POLR1A: variants seen among roughly 807,000 people sequenced by gnomAD.
POLR1A encodes the protein DNA-directed RNA polymerase I subunit RPA1.
POLR1A carries 84 observed loss-of-function variants against 205.3 expected under a neutral mutation model. That is an observed-to-expected ratio of 0.41 (90% CI 0.34 to 0.49). POLR1A has a LOEUF of 0.49. POLR1A is among the 20% of genes least tolerant of loss of function. The pLI, the probability that POLR1A is intolerant of heterozygous loss-of-function variation, is 0.22. For synonymous variants in POLR1A, 799 were observed against 863.7 expected, an observed-to-expected ratio of 0.93 and a Z score of 1.31; for missense variants, 1,645 against 2,204.5, an observed-to-expected ratio of 0.75 and a Z score of 5.08.
chr2:86,067,874 G>T (rs570222934), intron 13 of POLR1A, among the ~76,000 whole-genome samples: 1 of 152,090 alleles, frequency 6.6e-6, no homozygotes, highest in South Asian at 2.1e-4. Context: ...CTTTACCTCC[G>T]ACAAAAGAAA....
At chr2:86,049,274 A>T in intron 16 of POLR1A, 32 bp from the exon 17 acceptor site, 7 of 1,528,060 alleles carry the variant, frequency 4.6e-6, no homozygotes, top group Non-Finnish European at 6.3e-6. Flanking sequence ...CTTGTAGGCG[A>T]CCTCAGGCCT....
intron 14 of POLR1A, among the ~76,000 whole-genome samples, chr2:86,058,727 C>G (rs1672944970): frequency 6.6e-6 from 1 of 151,810 alleles, no homozygotes; most frequent in Non-Finnish European, 1.5e-5. Context: ...CCTGTATTAA[C>G]CTTAAAAAAA....
chr2:86,033,560 C>G, intron 28 of POLR1A, 101 bp downstream of exon 28: 1 of 1,329,970 alleles, frequency 7.5e-7, no homozygotes, highest in Non-Finnish European at 1.0e-6. Flanking sequence ...GATGGGCCAG[C>G]ACCAGGATGG....
chr2:86,027,335 G>C lies in POLR1A; in HGVS notation c.*88C>G. 1 of 1,060,582 alleles carries C rather than the reference G, an allele frequency of 9.4e-7. No homozygotes were observed. The highest frequency in any genetic ancestry group is 1.5e-6 in the Non-Finnish European group (1 of 677,378). 65.7% of individuals were successfully genotyped at this position (1,060,582 alleles called of 1,614,324 possible). A position where few individuals can be genotyped will look rare whatever the true frequency, so the allele number is the denominator to read the frequency against. On this transcript the variant is annotated 3_prime_UTR_variant, in exon 34 of 34. Transcript: ENST00000263857. The stretch of plus-strand genomic sequence containing the variant: ...TCACTTGGAACTGCCCTGGATTCCA[G>C]TCTCCTGGTCCTCTCATGCAGAAGG...
At position 86,047,277 on chromosome 2, in the gene POLR1A, C is replaced by G; in HGVS notation, c.2635-14G>C. 6.4e-7 allele frequency: 1 copy of G among 1,573,152 alleles called. No individual in the cohort carries two copies. The highest frequency in any genetic ancestry group is 8.7e-7 in the Non-Finnish European group (1 of 1,143,286). On this transcript the variant is annotated splice_polypyrimidine_tract_variant and intron_variant, in intron 18 of 33. Transcript: ENST00000263857. ...AGGCATGCATGCCTGCAGATTAAAT[C>G]AGCACAGTGGTCAGTGACTTCACCT... is the stretch of plus-strand genomic sequence containing the variant.
Position 86,068,052 on chromosome 2 carries a change from A to G in POLR1A, c.1866+1966T>C, listed in dbSNP as rs1558775544. Among the ~76,000 whole-genome samples, 3 of 152,290 alleles carry G rather than the reference A, an allele frequency of 2.0e-5. No individual in the cohort carries two copies. The East Asian group carries it at 5.8e-4, about 29-fold the overall frequency. ...CATGTGATGAGGTCCACTTGGATTT[A>G]TATGTCAGCCCACTGCAGGACACAA... On this transcript the variant is annotated intron_variant, in intron 13 of 33. Transcript: ENST00000263857.
In POLR1A at chr2:86,105,833, C is replaced by G; in HGVS notation, c.-57G>C. On this transcript the variant is annotated 5_prime_UTR_variant, in exon 1 of 34. Transcript: ENST00000263857. Reference sequence around the variant, plus strand: ...AAGAGACGTTCCACTCACCACCTGACTATTCTTAATTCAACCTCAAGCCCG... The same window carrying G: ...AAGAGACGTTCCACTCACCACCTGAGTATTCTTAATTCAACCTCAAGCCCG... The G allele has an allele frequency of 7.0e-7, 1 of 1,438,500 alleles. No individual in the cohort carries two copies. Among genetic ancestry groups the G allele is most frequent in the Non-Finnish European group, 9.8e-7 (1 of 1,023,188 alleles). 89.1% of individuals were successfully genotyped at this position (1,438,500 alleles called of 1,614,324 possible). A position where few individuals can be genotyped will look rare whatever the true frequency, so the allele number is the denominator to read the frequency against.
chr2:86,078,275 A>C lies in POLR1A; in HGVS notation c.1096T>G (p.Ser366Ala). The part of the protein sequence containing the change: ...ATPTTDEEKD[S>A]LIAIDRSFLS... ...AAGGATCGGTCAATAGCAATCAAAGAGTCTTTTTCCTGGAAGATGAAACCA... is the reference window on the plus strand; with the variant it reads ...AAGGATCGGTCAATAGCAATCAAAGCGTCTTTTTCCTGGAAGATGAAACCA... Residue 366 changes from serine (S) to alanine (A), a missense_variant, in exon 10 of 34, where the codon TCT becomes GCT. By Grantham distance (99) the Ser-to-Ala change is moderately conservative. Transcript: ENST00000263857. The C allele has an allele frequency of 6.4e-7, 1 of 1,567,922 alleles. No individual in the cohort carries two copies. Among genetic ancestry groups the C allele is most frequent in the African/African-American group, 1.4e-5 (1 of 72,390 alleles).
Position 86,027,388 on chromosome 2 carries a change from T to A in POLR1A, c.*35A>T, listed in dbSNP as rs1180272998. 6.5e-7 allele frequency: 1 copy of A among 1,538,498 alleles called. No homozygotes were observed. Among genetic ancestry groups the A allele is most frequent in the South Asian group, 1.1e-5 (1 of 89,672 alleles). On this transcript the variant is annotated 3_prime_UTR_variant, in exon 34 of 34. Transcript: ENST00000263857. ...GGCTGGGCCACGCCCTCACCAAGGG[T>A]CCTTGGAGCTGGGCAGATGGTGCCG...
Position 86,077,799 on chromosome 2 carries a change from GCA to G in POLR1A, c.1380+58_1380+59del, listed in dbSNP as rs141150981. On this transcript the variant is annotated intron_variant, in intron 11 of 33. Transcript: ENST00000263857. ...CACCCACGGGGAGCAAATGAGCCCT[GCA>G]CGCGCGCGCGCACACACACACACAC... 9 of 1,495,106 alleles carry G rather than the reference GCA, an allele frequency of 6.0e-6. No homozygotes were observed. In the African/African-American group the frequency reaches 6.8e-5, roughly 11 times the overall value. 92.6% of individuals were successfully genotyped at this position (1,495,106 alleles called of 1,614,324 possible).
chr2:86,063,335 CAAAAAAAAA>C (rs34298205), intron 14 of POLR1A, among the ~76,000 whole-genome samples: 3 of 41,230 alleles, frequency 7.3e-5, no homozygotes, highest in Admixed American at 5.0e-4. Context: ...AACTCCATCT[CAAAAAAAAA>C]AAAAAAAAAA....
At position 86,022,409 on chromosome 2, in the gene POLR1A, CCAGT is replaced by C. The variant is rs1690162664; in HGVS notation, c.*5010_*5013del. 1 of 152,204 alleles carries C rather than the reference CCAGT, an allele frequency of 6.6e-6. No individual in the cohort carries two copies. Among genetic ancestry groups the C allele is most frequent in the Non-Finnish European group, 1.5e-5 (1 of 68,056 alleles). The allele number at this position is 152,204 out of a possible 1,614,324, so 9.4% of individuals were successfully genotyped here. On this transcript the variant is annotated 3_prime_UTR_variant, in exon 34 of 34. Transcript: ENST00000263857. ...AAGATCCTACTGCAGAAACCTAGGG[CCAGT>C]GACTCCTTGAGATGTCATCGTACCG... is the stretch of plus-strand genomic sequence containing the variant.
rs756716111 is a variant in POLR1A, at chr2:86,041,939, C to A, written c.3522G>T (p.Trp1174Cys). ...CATAACTCTTCTCTGTTTGAGCTGC[C>A]CACTCTTGACTGTAGTCATCAACCT... ...ETKVDDYSQEWAAQTEKSYEK... is the reference protein window; with the variant it reads ...ETKVDDYSQECAAQTEKSYEK... Residue 1174 changes from tryptophan to cysteine, a missense_variant, in exon 24 of 34, where the codon TGG becomes TGT. Transcript: ENST00000263857. 6 of 1,614,066 alleles carry A rather than the reference C, an allele frequency of 3.7e-6. No individual in the cohort carries two copies. Among genetic ancestry groups the A allele is most frequent in the East Asian group, 2.2e-5 (1 of 44,896 alleles).
At chr2:86,046,516 A>T (rs2104393471) in intron 19 of POLR1A, among the ~76,000 whole-genome samples, 1 of 152,154 alleles carries the variant, frequency 6.6e-6, no homozygotes. Flanking sequence ...AGGTTAAGAA[A>T]TCTCTAGGAC....
At chr2:86,041,190 T>TGTGTGTGTGTGCGCGCGCGCACGCGCGC (rs1212728761) in intron 24 of POLR1A, among the ~76,000 whole-genome samples, 3 of 41,978 alleles carry the variant, frequency 7.1e-5, no homozygotes, top group African/African-American at 2.1e-4. Flanking sequence ...TGTGTGTGTG[T>TGTGTGTGTGTGCGCGCGCGCACGCGCGC]GCGCGCTGAG....
At chr2:86,029,177 G>A (rs911703518) in intron 31 of POLR1A, among the ~76,000 whole-genome samples, 5 of 152,216 alleles carry the variant, frequency 3.3e-5, no homozygotes, top group African/African-American at 1.2e-4. Context: ...TGTCTTGGAG[G>A]AGCCTCTCAC....
intron 27 of POLR1A, among the ~76,000 whole-genome samples, chr2:86,038,489 T>A (rs1672538267): frequency 6.6e-6 from 1 of 152,202 alleles, no homozygotes; most frequent in Non-Finnish European, 1.5e-5. Context: ...GGGAGTGACG[T>A]GTGGCTAAGA....
intron 1 of POLR1A, among the ~76,000 whole-genome samples, chr2:86,105,046 C>T (rs890639650): frequency 4.6e-5 from 7 of 152,160 alleles, no homozygotes; most frequent in African/African-American, 7.2e-5. Flanking sequence ...TAACGCCTAG[C>T]TTGGTGCCTG....
chr2:86,030,220 G>T lies in POLR1A; in HGVS notation c.4755C>A (p.Leu1585=). Reference sequence around the variant, plus strand: ...CCTCTGCATACTTGAATAGCTCTGGGAGGTTGATTCCTTCTGTGTTTAGCA... The same window carrying T: ...CCTCTGCATACTTGAATAGCTCTGGTAGGTTGATTCCTTCTGTGTTTAGCA... ...ELVLNTEGIN[L]PELFKYAEVL... The change falls in exon 31 of 34, where the codon CTC becomes CTA. Residue 1585 remains leucine (L), a synonymous_variant. Coordinates refer to ENST00000263857, the MANE Select transcript of POLR1A (RefSeq NM_015425.6). 6.2e-7 allele frequency: 1 copy of T among 1,614,170 alleles called. No homozygotes were observed.
Sources: gnomAD v4.1 joint callset for allele counts (sites outside exome capture counted in the v4.1 genomes callset) on GRCh38, gnomAD v4.1.1 for gene constraint, MANE v1.5 for transcripts, NCBI Gene and HGNC (gene_info 2026-07-23, HGNC 2026-07-21) for gene names.